CTNNA2: variants seen among roughly 807,000 people sequenced by gnomAD.
CTNNA2 encodes the protein catenin alpha 2.
A neutral mutation model predicts 101.0 loss-of-function variants in CTNNA2; 42 were observed. The ratio of observed to expected loss-of-function variants is 0.42; its 90% confidence interval spans 0.32 to 0.54. The LOEUF (loss-of-function observed/expected upper bound fraction) is 0.54, where lower values mean the gene tolerates loss of function less well. Among genes scored for constraint, CTNNA2 ranks in the 20% least tolerant of loss-of-function variants. The pLI is 0.14. For synonymous variants in CTNNA2, 450 were observed against 456.4 expected (o/e 0.99, Z 0.18); for missense variants, 871 against 1,223.1 (o/e 0.71, Z 4.29).
At chr2:79,920,735 CTTTA>C (rs1380914790) in intron 7 of CTNNA2, among the ~76,000 whole-genome samples, 1 of 152,172 alleles carries the variant, frequency 6.6e-6, no homozygotes, top group African/African-American at 2.4e-5. Flanking sequence ...ATAGTTAAAG[CTTTA>C]TTTAAGGCCC....
chr2:80,081,584 G>C (rs909689057), intron 7 of CTNNA2, among the ~76,000 whole-genome samples: 2 of 134,880 alleles, frequency 1.5e-5, no homozygotes, highest in African/African-American at 5.5e-5. Flanking sequence ...CTTTGCAAAA[G>C]ACATGATATA....
At chr2:80,418,721 G>T (rs1680251694) in intron 8 of CTNNA2, among the ~76,000 whole-genome samples, 1 of 152,080 alleles carries the variant, frequency 6.6e-6, no homozygotes, top group Non-Finnish European at 1.5e-5. Flanking sequence ...TATACATTCA[G>T]ATAATTATGA....
At chr2:80,590,212 A>G (rs1379978372) in intron 15 of CTNNA2, among the ~76,000 whole-genome samples, 1 of 152,136 alleles carries the variant, frequency 6.6e-6, no homozygotes, top group African/African-American at 2.4e-5. Flanking sequence ...TGCCCTTTCA[A>G]CACAAAGGAC....
chr2:79,251,273 A>G (rs1558587217), intron 2 of CTNNA2, among the ~76,000 whole-genome samples: 1 of 152,096 alleles, frequency 6.6e-6, no homozygotes, highest in Non-Finnish European at 1.5e-5. Context: ...CTGATCCATG[A>G]TTCAAAAAAC....
intron 13 of CTNNA2, chr2:80,578,820 T>G (rs1312714314): frequency 1.3e-5 from 2 of 152,184 alleles, no homozygotes; most frequent in African/African-American, 2.4e-5. Flanking sequence ...TTCATTAGGT[T>G]TTTGTAAGGA....
At chr2:79,507,722 G>A (rs1212092193) in intron 5 of CTNNA2, among the ~76,000 whole-genome samples, 2 of 152,132 alleles carry the variant, frequency 1.3e-5, no homozygotes, top group Non-Finnish European at 2.9e-5. Flanking sequence ...AGAGTAAGGT[G>A]AAAACTAAGG....
At chr2:80,037,052 G>C (rs1396691847) in intron 7 of CTNNA2, among the ~76,000 whole-genome samples, 4 of 152,172 alleles carry the variant, frequency 2.6e-5, no homozygotes, top group Admixed American at 2.6e-4. Flanking sequence ...AACTGGAAAA[G>C]GAGGAATGAA....
intron 2 of CTNNA2, among the ~76,000 whole-genome samples, chr2:79,282,514 T>G (rs924701990): frequency 7.6e-4 from 115 of 151,838 alleles, no homozygotes; most frequent in Non-Finnish European, 1.3e-3. Flanking sequence ...GGTGTCTGGT[T>G]TTTTGTTCTT....
chr2:80,197,978 C>T (rs1706939694), intron 7 of CTNNA2, among the ~76,000 whole-genome samples: 1 of 152,148 alleles, frequency 6.6e-6, no homozygotes, highest in African/African-American at 2.4e-5. Context: ...CCCATGTATC[C>T]TACCCACTGA....
intron 1 of CTNNA2, among the ~76,000 whole-genome samples, chr2:79,605,832 G>C (rs1677854604): frequency 6.6e-6 from 1 of 152,108 alleles, no homozygotes; most frequent in Non-Finnish European, 1.5e-5. Context: ...GAGGGGCTGA[G>C]GCAGGAGGAT....
intron 2 of CTNNA2, among the ~76,000 whole-genome samples, chr2:79,694,350 C>G (rs146303213): frequency 4.7e-4 from 72 of 152,086 alleles, no homozygotes; most frequent in African/African-American, 1.5e-3. Context: ...GATTTTCTGA[C>G]ATTGTTTGGG....
intron 7 of CTNNA2, among the ~76,000 whole-genome samples, chr2:80,162,138 T>A (rs1704363167): frequency 6.6e-6 from 1 of 152,138 alleles, no homozygotes; most frequent in Non-Finnish European, 1.5e-5. Flanking sequence ...TACAAAAAGA[T>A]AACAAATAAT....
chr2:79,321,009 T>C (rs1057302636), intron 3 of CTNNA2, among the ~76,000 whole-genome samples: 2 of 152,214 alleles, frequency 1.3e-5, no homozygotes, highest in Admixed American at 6.5e-5. Context: ...TCTTAGAGTA[T>C]CTCAAGGTCA....
intron 1 of CTNNA2, among the ~76,000 whole-genome samples, chr2:79,595,212 A>G (rs1222650228): frequency 6.6e-6 from 1 of 152,058 alleles, no homozygotes; most frequent in Non-Finnish European, 1.5e-5. Context: ...GTCTTTTTTC[A>G]TAGGTCTTCA....
At position 79,858,020 on chromosome 2, in the gene CTNNA2, G is replaced by T. The variant is rs373823087; in HGVS notation, c.306G>T (p.Thr102=). 6.2e-7 allele frequency: 1 copy of T among 1,612,332 alleles called. No individual in the cohort carries two copies. The highest frequency in any genetic ancestry group is 1.3e-5 in the African/African-American group (1 of 74,920). ...AVEDVRKQGE[T]MRIASSEFAD... Reference sequence around the variant, plus strand: ...TCCGTGTCTGTCTTCCAGGTGAGACGATGCGGATCGCCTCCTCCGAGTTTG... The same window carrying T: ...TCCGTGTCTGTCTTCCAGGTGAGACTATGCGGATCGCCTCCTCCGAGTTTG... The change falls in exon 4 of 19, where the codon ACG becomes ACT. Residue 102 remains threonine (T), a synonymous_variant. Transcript: ENST00000402739.
chr2:79,522,093 A>G (rs1440236363), intron 1 of CTNNA2, among the ~76,000 whole-genome samples: 2 of 152,202 alleles, frequency 1.3e-5, no homozygotes, highest in Non-Finnish European at 2.9e-5. Context: ...GCAGAAGCCA[A>G]AACAGTAATT....
At chr2:80,067,726 G>C (rs192115957) in intron 7 of CTNNA2, among the ~76,000 whole-genome samples, 9 of 152,270 alleles carry the variant, frequency 5.9e-5, no homozygotes, top group African/African-American at 1.9e-4. Flanking sequence ...AGACATCGCG[G>C]CTTTCTCCCT....
rs75130187 is a variant in CTNNA2, at chr2:79,310,285, C to T, written c.-405-2424C>T. On this transcript the variant is annotated intron_variant, in intron 2 of 21. Coordinates refer to the CTNNA2 transcript ENST00000466387. ...AAAATATTTGGTATATTCCTAACTT[C>T]GACAAAATGTTTCTAAGATTTCTTC... Among the ~76,000 whole-genome samples, 947 of 152,228 alleles carry T rather than the reference C, an allele frequency of 6.2e-3. 12 individuals are homozygous for T. The highest frequency in any genetic ancestry group is 0.062 in the East Asian group (322 of 5,178).
In CTNNA2 at chr2:79,979,382, C is replaced by G. The variant is rs369772754; in HGVS notation, c.1056+69585C>G. Among the ~76,000 whole-genome samples, 5 of 152,052 alleles carry G rather than the reference C, an allele frequency of 3.3e-5. No homozygotes were observed. In the South Asian group the frequency reaches 1.0e-3, roughly 32 times the overall value. ...TGGGTGACAAAGCAAGACCCTATCT[C>G]TAAAAAAGGAAAACCCTGATAACAT... is the stretch of plus-strand genomic sequence containing the variant. On this transcript the variant is annotated intron_variant, in intron 7 of 18. Transcript: ENST00000402739.
Sources: allele counts gnomAD v4.1 joint callset (sites outside exome capture counted in the v4.1 genomes callset), GRCh38; gene constraint gnomAD v4.1.1; transcripts MANE v1.5; gene names NCBI Gene and HGNC (gene_info 2026-07-23, HGNC 2026-07-21).